Variants in MDGA2 observed in about 807,000 individuals in gnomAD.
The protein encoded by MDGA2 is MAM domain containing glycosylphosphatidylinositol anchor 2.
A neutral mutation model predicts 117.8 loss-of-function variants in MDGA2; 40 were observed. The observed-to-expected ratio is 0.34, with a 90% CI of 0.26 to 0.44. MDGA2 has a LOEUF of 0.44. Ranked by LOEUF, MDGA2 falls within the 20% of genes least tolerant of loss-of-function variation. The pLI is 1.00. For missense variants in MDGA2, 1,123 were observed against 1,250.6 expected (o/e 0.90, Z 1.54); for synonymous variants, 452 against 439.0 (o/e 1.03, Z -0.37).
chr14:47,288,213 T>G (rs1462592148), intron 2 of MDGA2, among the ~76,000 whole-genome samples: 1 of 152,178 alleles, frequency 6.6e-6, no homozygotes, highest in Admixed American at 6.6e-5. Context: ...GATATAAAAT[T>G]TACATATCTC....
chr14:47,106,828 G>A (rs948106944), intron 5 of MDGA2, among the ~76,000 whole-genome samples: 4 of 142,108 alleles, frequency 2.8e-5, no homozygotes, highest in Admixed American at 1.4e-4. Flanking sequence ...AACTGTTGTG[G>A]GTATTGACGG....
intron 1 of MDGA2, among the ~76,000 whole-genome samples, chr14:47,421,141 C>T (rs181589983): frequency 6.6e-6 from 1 of 152,046 alleles, no homozygotes; most frequent in Non-Finnish European, 1.5e-5. Flanking sequence ...TAGGAACCTA[C>T]TCTCTGGGTC....
At chr14:47,369,286 A>G (rs1181593381) in intron 1 of MDGA2, among the ~76,000 whole-genome samples, 5 of 151,962 alleles carry the variant, frequency 3.3e-5, no homozygotes, top group Non-Finnish European at 7.4e-5. Context: ...TCCACTCCAA[A>G]TTTTAAACAA....
chr14:47,355,130 C>A (rs1890965420), intron 1 of MDGA2, among the ~76,000 whole-genome samples: 1 of 152,132 alleles, frequency 6.6e-6, no homozygotes, highest in African/African-American at 2.4e-5. Flanking sequence ...TGCATTAGGG[C>A]CCCACCAGCT....
intron 1 of MDGA2, among the ~76,000 whole-genome samples, chr14:47,664,488 A>G (rs1378738846): frequency 6.6e-6 from 1 of 152,156 alleles, no homozygotes; most frequent in Non-Finnish European, 1.5e-5. Flanking sequence ...TAATATCTAC[A>G]TTTCTTCTAT....
chr14:47,118,251 A>G (rs1881437629), intron 5 of MDGA2, among the ~76,000 whole-genome samples: 1 of 152,180 alleles, frequency 6.6e-6, no homozygotes, highest in Non-Finnish European at 1.5e-5. Context: ...GCCATGTTCT[A>G]GGACAATGCT....
At chr14:47,314,781 T>C (rs1469132021) in intron 1 of MDGA2, among the ~76,000 whole-genome samples, 1 of 152,088 alleles carries the variant, frequency 6.6e-6, no homozygotes, top group Non-Finnish European at 1.5e-5. Flanking sequence ...AAATTATAAA[T>C]ATCAAGCCAT....
At chr14:46,994,979 T>C (rs1270212813) in intron 8 of MDGA2, among the ~76,000 whole-genome samples, 1 of 152,112 alleles carries the variant, frequency 6.6e-6, no homozygotes, top group Non-Finnish European at 1.5e-5. Context: ...TACACCCATA[T>C]TGGTCAATAC....
chr14:47,165,086 C>T (rs1165103605), intron 3 of MDGA2, among the ~76,000 whole-genome samples: 1 of 151,984 alleles, frequency 6.6e-6, no homozygotes, highest in Non-Finnish European at 1.5e-5. Context: ...GAACATCACA[C>T]ACCGGGGCCT....
chr14:47,153,911 T>A (rs1458600653), intron 3 of MDGA2, among the ~76,000 whole-genome samples: 1 of 152,146 alleles, frequency 6.6e-6, no homozygotes, highest in Non-Finnish European at 1.5e-5. Context: ...AAGTAATAGA[T>A]CACTGGGGAC....
chr14:47,597,637 G>T (rs1896568238), intron 1 of MDGA2, among the ~76,000 whole-genome samples: 1 of 151,740 alleles, frequency 6.6e-6, no homozygotes, highest in Admixed American at 6.6e-5. Context: ...CAAGTTTATA[G>T]TCATTTGAAT....
intron 1 of MDGA2, among the ~76,000 whole-genome samples, chr14:47,637,049 T>C (rs1381877883): frequency 4.6e-5 from 7 of 152,170 alleles, no homozygotes; most frequent in Non-Finnish European, 8.8e-5. Context: ...GTATTTACAA[T>C]GTTTTAAACA....
intron 1 of MDGA2, among the ~76,000 whole-genome samples, chr14:47,441,763 T>C (rs905341858): frequency 1.3e-5 from 2 of 152,140 alleles, no homozygotes; most frequent in Non-Finnish European, 2.9e-5. Context: ...TGCCAATTGG[T>C]AGAATACTGT....
chr14:47,576,357 G>A (rs1018956142), intron 1 of MDGA2, among the ~76,000 whole-genome samples: 4 of 152,134 alleles, frequency 2.6e-5, no homozygotes, highest in Non-Finnish European at 5.9e-5. Context: ...TTACTGGTAT[G>A]ATTTTAAAAA....
At chr14:47,098,098 G>A (rs1443154840) in intron 5 of MDGA2, among the ~76,000 whole-genome samples, 2 of 151,594 alleles carry the variant, frequency 1.3e-5, no homozygotes, top group African/African-American at 4.8e-5. Flanking sequence ...TTTTGTCAAA[G>A]TTAGAGCTGT....
chr14:47,208,575 G>A lies in MDGA2; in HGVS notation c.595+9446C>T, dbSNP rs976664842. ...AATGTCTGTGCAATACAGAGTTGAC[G>A]GTAGCAGACTTTGCCCTCAGGGAGA... On this transcript the variant is annotated intron_variant, in intron 3 of 16. Transcript: ENST00000399232. 6.1e-5 allele frequency among the ~76,000 whole-genome samples: 9 copies of A among 147,086 alleles called. 1 individual carries two copies. The highest frequency in any genetic ancestry group is 1.0e-4 in the Non-Finnish European group (7 of 67,090).
At chr14:46,890,473 T>TA (rs1464912003) in intron 10 of MDGA2, among the ~76,000 whole-genome samples, 1 of 152,156 alleles carries the variant, frequency 6.6e-6, no homozygotes, top group African/African-American at 2.4e-5. Flanking sequence ...AATAATTCCC[T>TA]ATAGTATTTC....
chr14:47,609,446 TATATATATATATATATATAA>T (rs1422930902), intron 1 of MDGA2, among the ~76,000 whole-genome samples: 1 of 96,194 alleles, frequency 1.0e-5, no homozygotes, highest in Non-Finnish European at 2.1e-5. Context: ...TATATATATA[TATATATATATATATATATAA>T]GTTTCTTTAT....
chr14:47,141,143 A>G (rs2139190936), intron 4 of MDGA2, among the ~76,000 whole-genome samples: 1 of 152,272 alleles, frequency 6.6e-6, no homozygotes, highest in Non-Finnish European at 1.5e-5. Flanking sequence ...GACAAAAAAT[A>G]ACAAATTCTG....
Sources: gnomAD v4.1 joint callset for allele counts (sites outside exome capture counted in the v4.1 genomes callset) on GRCh38, gnomAD v4.1.1 for gene constraint, MANE v1.5 for transcripts, NCBI Gene and HGNC (gene_info 2026-07-23, HGNC 2026-07-21) for gene names.